The following TAFA1 variants were observed in gnomAD, a reference collection of about 807,000 sequenced individuals.
TAFA1 encodes chemokine-like protein TAFA-1.
Under a neutral mutation model 18.5 loss-of-function variants are expected in TAFA1, and 4 were observed. That is an observed-to-expected ratio of 0.22 (90% CI 0.11 to 0.49). The LOEUF (loss-of-function observed/expected upper bound fraction) is 0.49. Ranked by LOEUF, TAFA1 falls within the 20% of genes least tolerant of loss-of-function variation. The pLI is 0.98. For missense variants in TAFA1, 147 were observed against 169.0 expected, an observed-to-expected ratio of 0.87 and a Z score of 0.72; for synonymous variants, 56 against 55.2, an observed-to-expected ratio of 1.01 and a Z score of -0.06.
chr3:68,036,420 C>G (rs1356344276), intron 2 of TAFA1, among the ~76,000 whole-genome samples: 1 of 116,578 alleles, frequency 8.6e-6, no homozygotes, highest in Non-Finnish European at 1.6e-5. Flanking sequence ...GCCTTGGCGA[C>G]AGAGTGAGAC....
intron 2 of TAFA1, among the ~76,000 whole-genome samples, chr3:68,173,039 T>C (rs1047971739): frequency 2.6e-5 from 4 of 152,084 alleles, no homozygotes; most frequent in Admixed American, 2.6e-4. Context: ...GAGGATTTTT[T>C]TTAAGGAAAA....
intron 2 of TAFA1, among the ~76,000 whole-genome samples, chr3:68,057,232 A>G (rs974626650): frequency 2.0e-5 from 3 of 152,176 alleles, no homozygotes; most frequent in Non-Finnish European, 4.4e-5. Context: ...ATGCTGTCTA[A>G]TGGTCCATAG....
chr3:68,157,139 G>A (rs2065875939), intron 2 of TAFA1, among the ~76,000 whole-genome samples: 1 of 152,208 alleles, frequency 6.6e-6, no homozygotes, highest in Non-Finnish European at 1.5e-5. Flanking sequence ...AGAAAGCTGG[G>A]AAAGCTATTA....
At chr3:68,286,387 C>G (rs1466946384) in intron 2 of TAFA1, among the ~76,000 whole-genome samples, 1 of 151,980 alleles carries the variant, frequency 6.6e-6, no homozygotes, top group Non-Finnish European at 1.5e-5. Flanking sequence ...TCACTGAAGT[C>G]TAGCGTGGAG....
chr3:68,253,594 A>G (rs2067237813), intron 2 of TAFA1, among the ~76,000 whole-genome samples: 1 of 152,206 alleles, frequency 6.6e-6, no homozygotes, highest in South Asian at 2.1e-4. Context: ...CTCTCCAGCC[A>G]GACTGAAGAA....
At chr3:68,016,253 A>G (rs552852736) in intron 2 of TAFA1, among the ~76,000 whole-genome samples, 1 of 152,334 alleles carries the variant, frequency 6.6e-6, no homozygotes, top group East Asian at 1.9e-4. Context: ...TCCTATTGCT[A>G]AAACATGTAT....
chr3:68,341,242 C>G (rs1262033810), intron 2 of TAFA1, among the ~76,000 whole-genome samples: 1 of 152,068 alleles, frequency 6.6e-6, no homozygotes, highest in Non-Finnish European at 1.5e-5. Context: ...GTTAGGGGCT[C>G]AAGAAGTAGG....
At chr3:68,377,791 G>T (rs1575816912) in intron 2 of TAFA1, among the ~76,000 whole-genome samples, 1 of 152,138 alleles carries the variant, frequency 6.6e-6, no homozygotes, top group African/African-American at 2.4e-5. Flanking sequence ...GAGTCCTGTT[G>T]CTATGTGCAG....
chr3:68,370,353 T>TACACACAC (rs1553682471), intron 2 of TAFA1, among the ~76,000 whole-genome samples: 1 of 41,120 alleles, frequency 2.4e-5, no homozygotes, highest in African/African-American at 1.1e-4. Context: ...TATATATATA[T>TACACACAC]ACACACACAC....
At chr3:68,348,403 C>T (rs899160841) in intron 2 of TAFA1, among the ~76,000 whole-genome samples, 2 of 152,126 alleles carry the variant, frequency 1.3e-5, no homozygotes, top group African/African-American at 2.4e-5. Context: ...CAATGTCTAA[C>T]CTTTTCTTCT....
At chr3:68,018,605 G>A (rs2106791690) in intron 2 of TAFA1, among the ~76,000 whole-genome samples, 1 of 152,298 alleles carries the variant, frequency 6.6e-6, no homozygotes, top group Admixed American at 6.5e-5. Context: ...CACAAGCTAT[G>A]TGAGGGTAAG....
At chr3:68,146,179 G>T (rs2065737873) in intron 2 of TAFA1, among the ~76,000 whole-genome samples, 1 of 152,216 alleles carries the variant, frequency 6.6e-6, no homozygotes, top group South Asian at 2.1e-4. Flanking sequence ...GCGTATGACT[G>T]CCTTGGAATC....
At chr3:68,372,421 C>A (rs1334379979) in intron 2 of TAFA1, among the ~76,000 whole-genome samples, 1 of 152,162 alleles carries the variant, frequency 6.6e-6, no homozygotes, top group African/African-American at 2.4e-5. Context: ...TAATCAGTCC[C>A]AGAAACTGAC....
chr3:68,448,747 C>T (rs909427490), intron 3 of TAFA1, among the ~76,000 whole-genome samples: 1 of 152,124 alleles, frequency 6.6e-6, no homozygotes, highest in Non-Finnish European at 1.5e-5. Context: ...TTAATAACTT[C>T]TCTGTAATTG....
intron 2 of TAFA1, among the ~76,000 whole-genome samples, chr3:68,362,771 T>C (rs1169283443): frequency 2.6e-5 from 4 of 152,026 alleles, no homozygotes; most frequent in African/African-American, 9.7e-5. Context: ...GGTTGGTGGA[T>C]GATATCACTC....
At chr3:68,343,709 G>A (rs2069121591) in intron 2 of TAFA1, among the ~76,000 whole-genome samples, 1 of 152,120 alleles carries the variant, frequency 6.6e-6, no homozygotes, top group South Asian at 2.1e-4. Context: ...TTTTTTTTAT[G>A]TTGTCCTGTT....
chr3:68,464,415 A>T (rs2071843901), intron 3 of TAFA1, among the ~76,000 whole-genome samples: 1 of 152,218 alleles, frequency 6.6e-6, no homozygotes. Flanking sequence ...CTCAGAGAAG[A>T]TACTTGGAAT....
chr3:68,152,462 A>G (rs774038898), intron 2 of TAFA1, among the ~76,000 whole-genome samples: 1 of 152,178 alleles, frequency 6.6e-6, no homozygotes, highest in East Asian at 1.9e-4. Flanking sequence ...GAGCAAGACA[A>G]TTTTGACAGT....
At chr3:68,407,169 TA>T (rs2070628090) in intron 2 of TAFA1, among the ~76,000 whole-genome samples, 1 of 152,256 alleles carries the variant, frequency 6.6e-6, no homozygotes, top group African/African-American at 2.4e-5. Context: ...ATAAGAGTTA[TA>T]TTTTTCCCAC....
Sources: gnomAD v4.1 joint callset for allele counts (sites outside exome capture counted in the v4.1 genomes callset) on GRCh38, gnomAD v4.1.1 for gene constraint, MANE v1.5 for transcripts, NCBI Gene and HGNC (gene_info 2026-07-23, HGNC 2026-07-21) for gene names.